LPP: variants seen among roughly 807,000 people sequenced by gnomAD.
LPP encodes the protein lipoma-preferred partner.
A neutral mutation model predicts 60.4 loss-of-function variants in LPP; 38 were observed. That is an observed-to-expected ratio of 0.63 (90% CI 0.49 to 0.83). The LOEUF is 0.83. Among genes scored for constraint, LPP ranks in the 40% least tolerant of loss-of-function variants. The pLI, the probability that LPP is intolerant of heterozygous loss-of-function variation, is 0.00. For synonymous variants in LPP, 328 were observed against 290.8 expected (o/e 1.13, Z -1.30); for missense variants, 902 against 783.6 (o/e 1.15, Z -1.80).
chr3:188,567,249 C>T (rs996892998), intron 6 of LPP, among the ~76,000 whole-genome samples: 25 of 151,982 alleles, frequency 1.6e-4, no homozygotes, highest in African/African-American at 5.3e-4. Context: ...TAACCTTGAA[C>T]AAGTTCCTTA....
intron 3 of LPP, among the ~76,000 whole-genome samples, chr3:188,374,050 C>G (rs541557226): frequency 2.6e-5 from 4 of 152,244 alleles, no homozygotes; most frequent in African/African-American, 9.6e-5. Flanking sequence ...GGGCTCTGTT[C>G]TGTTCCATTG....
chr3:188,889,152 G>A lies in LPP; in HGVS notation c.*14673G>A, dbSNP rs1770993364. ...GGATTGGAAGCTCAGGGGGCCAAAT[G>A]TCCTTGCCAGATCCTTAGAGCATTA... On this transcript the variant is annotated 3_prime_UTR_variant, in exon 12 of 12. Transcript: ENST00000617246. The A allele has an allele frequency of 4.4e-6, 1 of 227,818 alleles. No homozygotes were observed. Among genetic ancestry groups the A allele is most frequent in the African/African-American group, 2.2e-5 (1 of 45,032 alleles). 14.1% of individuals were successfully genotyped at this position (227,818 alleles called of 1,614,324 possible). A position where few individuals can be genotyped will look rare whatever the true frequency, so the allele number is the denominator to read the frequency against.
chr3:188,719,183 G>C (rs1368463096), intron 8 of LPP, among the ~76,000 whole-genome samples: 1 of 152,138 alleles, frequency 6.6e-6, no homozygotes, highest in Non-Finnish European at 1.5e-5. Context: ...TAAGTACTGG[G>C]TCACATTTCC....
At chr3:188,181,682 G>A (rs570919086) in intron 1 of LPP, among the ~76,000 whole-genome samples, 1 of 152,186 alleles carries the variant, frequency 6.6e-6, no homozygotes, top group African/African-American at 2.4e-5. Context: ...TACTTTGAAA[G>A]CAATGTTTAA....
At chr3:188,711,926 G>A (rs919499635) in intron 8 of LPP, 3 of 152,200 alleles carry the variant, frequency 2.0e-5, no homozygotes, top group African/African-American at 4.8e-5. Flanking sequence ...TTTGGAAGTA[G>A]GAAGATAGTA....
intron 1 of LPP, among the ~76,000 whole-genome samples, chr3:188,176,213 C>A (rs1048678335): frequency 6.6e-6 from 1 of 151,958 alleles, no homozygotes; most frequent in Admixed American, 6.6e-5. Context: ...CAGGCGGGAC[C>A]CCTGAATTTT....
intron 7 of LPP, among the ~76,000 whole-genome samples, chr3:188,656,501 GTT>G (rs1183505552): frequency 6.6e-6 from 1 of 152,214 alleles, no homozygotes; most frequent in East Asian, 1.9e-4. Flanking sequence ...AAAACAAAGT[GTT>G]GGAAAAAACC....
chr3:188,323,586 C>T (rs1174831205), intron 2 of LPP, among the ~76,000 whole-genome samples: 3 of 152,152 alleles, frequency 2.0e-5, no homozygotes, highest in Non-Finnish European at 2.9e-5. Flanking sequence ...TGAGCATGAG[C>T]AGTGAATAGC....
intron 7 of LPP, among the ~76,000 whole-genome samples, chr3:188,624,807 CTTCT>C (rs1301013428): frequency 1.5e-5 from 2 of 135,924 alleles, no homozygotes; most frequent in Non-Finnish European, 3.2e-5. Context: ...TCCTTCCTTC[CTTCT>C]CTCTCTTTCT....
intron 9 of LPP, among the ~76,000 whole-genome samples, chr3:188,855,671 T>C (rs757292954): frequency 5.3e-5 from 8 of 152,206 alleles, no homozygotes; most frequent in Non-Finnish European, 1.0e-4. Context: ...TTCTGGAAAC[T>C]GAGGGTGATG....
chr3:188,259,335 GTC>G (rs2149668188), intron 2 of LPP, among the ~76,000 whole-genome samples: 1 of 152,240 alleles, frequency 6.6e-6, no homozygotes, highest in East Asian at 1.9e-4. Flanking sequence ...CCTGACACCA[GTC>G]TCTCTTGCTC....
chr3:188,176,590 G>A (rs1220914517), intron 1 of LPP, among the ~76,000 whole-genome samples: 2 of 151,116 alleles, frequency 1.3e-5, no homozygotes, highest in Admixed American at 6.6e-5. Context: ...GCTCTCTTCA[G>A]CTAATTAAAA....
intron 2 of LPP, among the ~76,000 whole-genome samples, chr3:188,328,605 G>A (rs944610278): frequency 5.9e-5 from 9 of 152,044 alleles, no homozygotes; most frequent in African/African-American, 1.7e-4. Context: ...ACCATAGTTC[G>A]TCAGTCATTG....
Position 188,797,257 on chromosome 3 carries a change from T to G in LPP, c.1410+36975T>G, listed in dbSNP as rs62292680. Reference sequence around the variant, plus strand: ...ACAGAAGTCAATAGCGTGAGAAGTCTGTTTTTGTCACGGATTTGCTAGAAG... The same window carrying G: ...ACAGAAGTCAATAGCGTGAGAAGTCGGTTTTTGTCACGGATTTGCTAGAAG... On this transcript the variant is annotated intron_variant, in intron 9 of 11. Transcript: ENST00000617246. Among the ~76,000 whole-genome samples, 698 of 152,290 alleles carry G rather than the reference T, an allele frequency of 4.6e-3. 5 individuals are homozygous for G. Among genetic ancestry groups the G allele is most frequent in the Middle Eastern group, 0.017 (5 of 292 alleles).
intron 2 of LPP, among the ~76,000 whole-genome samples, chr3:188,292,398 T>C (rs1352246759): frequency 6.6e-6 from 1 of 152,234 alleles, no homozygotes; most frequent in East Asian, 1.9e-4. Flanking sequence ...AGGTGGTCAA[T>C]ACCTCTACAC....
At chr3:188,791,286 T>C (rs1743653444) in intron 9 of LPP, among the ~76,000 whole-genome samples, 1 of 152,208 alleles carries the variant, frequency 6.6e-6, no homozygotes, top group Non-Finnish European at 1.5e-5. Flanking sequence ...TACTGCTAAA[T>C]AGCTTCCTAA....
intron 9 of LPP, among the ~76,000 whole-genome samples, chr3:188,859,489 T>C (rs1025973507): frequency 1.3e-5 from 2 of 152,202 alleles, no homozygotes; most frequent in Non-Finnish European, 2.9e-5. Flanking sequence ...CAGTTGTTAA[T>C]AGTTGTGTCC....
At chr3:188,348,989 A>C (rs1765133625) in intron 3 of LPP, among the ~76,000 whole-genome samples, 1 of 152,132 alleles carries the variant, frequency 6.6e-6, no homozygotes, top group African/African-American at 2.4e-5. Context: ...TTTCCTTAGA[A>C]GTTACTATTC....
chr3:188,557,479 AT>A (rs1829751097), intron 6 of LPP, among the ~76,000 whole-genome samples: 1 of 152,138 alleles, frequency 6.6e-6, no homozygotes, highest in Non-Finnish European at 1.5e-5. Context: ...GTGCCAATTC[AT>A]AAATGGCAAC....
Sources: gnomAD v4.1 joint callset for allele counts (sites outside exome capture counted in the v4.1 genomes callset) on GRCh38, gnomAD v4.1.1 for gene constraint, MANE v1.5 for transcripts, NCBI Gene and HGNC (gene_info 2026-07-23, HGNC 2026-07-21) for gene names.